Variants in GBF1 observed in about 807,000 individuals in gnomAD.
GBF1 encodes Golgi-specific brefeldin A-resistance guanine nucleotide exchange factor 1.
Under a neutral mutation model 210.5 loss-of-function variants are expected in GBF1, and 114 were observed. That is an observed-to-expected ratio of 0.54 (90% CI 0.47 to 0.63). The LOEUF (loss-of-function observed/expected upper bound fraction) is 0.63. GBF1 is among the 30% of genes least tolerant of loss of function. GBF1 has a pLI of 0.00. For synonymous variants in GBF1, 850 were observed against 889.2 expected (o/e 0.96, Z 0.78); for missense variants, 1,851 against 2,357.7 (o/e 0.79, Z 4.45).
chr10:102,327,462 C>G (rs1232481698), intron 3 of GBF1, among the ~76,000 whole-genome samples: 1 of 152,184 alleles, frequency 6.6e-6, no homozygotes, highest in African/African-American at 2.4e-5. Flanking sequence ...GGAATGTATA[C>G]AGCAGTAATA....
chr10:102,241,102 C>A (rs887328021), upstream of GBF1, among the ~76,000 whole-genome samples: 1 of 152,178 alleles, frequency 6.6e-6, no homozygotes, highest in South Asian at 2.1e-4. The surrounding 1 kb of genome is among the most constrained non-coding windows in gnomAD (Gnocchi z 6.7). Flanking sequence ...TTCAAGTCTC[C>A]GGCTTCGTTC....
At chr10:102,266,132 G>A (rs1359543797) in intron 3 of GBF1, among the ~76,000 whole-genome samples, 2 of 152,040 alleles carry the variant, frequency 1.3e-5, no homozygotes, top group Non-Finnish European at 2.9e-5. Context: ...CCAGCTACTC[G>A]GGAGGCTGAG....
intron 3 of GBF1, among the ~76,000 whole-genome samples, chr10:102,328,657 G>T (rs1247042831): frequency 6.6e-6 from 1 of 152,120 alleles, no homozygotes; most frequent in Non-Finnish European, 1.5e-5. Flanking sequence ...ATAGGGAAAG[G>T]TTACTTATCA....
the GBF1 span, among the ~76,000 whole-genome samples, chr10:102,233,582 G>A: frequency 2.6e-5 from 4 of 152,174 alleles, no homozygotes; most frequent in African/African-American, 9.7e-5. Context: ...GGAATTACAG[G>A]TGTGAGCCAC....
chr10:102,258,746 C>T (rs1475863902), intron 1 of GBF1, among the ~76,000 whole-genome samples, 183 bp from the exon 2 acceptor site: 1 of 148,120 alleles, frequency 6.8e-6, no homozygotes, highest in Non-Finnish European at 1.5e-5. Context: ...TGCACTCCAG[C>T]CTGGGCAACA....
Position 102,366,348 on chromosome 10 carries a change from C to T in GBF1, c.2310-35C>T, listed in dbSNP as rs2059910625. On this transcript the variant is annotated intron_variant, in intron 18 of 39. Coordinates refer to ENST00000369983, the MANE Select transcript of GBF1 (RefSeq NM_001377137.1). The surrounding 1 kb of genome is among the most constrained non-coding windows in gnomAD (Gnocchi z 4.0). ...AAGAGCCTGACATGTGCAGCTTACACATTTTCAGCCTCTTCTTCCTTTCTT... is the reference window on the plus strand; with the variant it reads ...AAGAGCCTGACATGTGCAGCTTACATATTTTCAGCCTCTTCTTCCTTTCTT... 1 of 1,612,500 alleles carries T rather than the reference C, an allele frequency of 6.2e-7. No homozygotes were observed. The highest frequency in any genetic ancestry group is 1.3e-5 in the African/African-American group (1 of 74,896).
At chr10:102,266,914 T>C (rs1238826390) in intron 3 of GBF1, among the ~76,000 whole-genome samples, 1 of 152,214 alleles carries the variant, frequency 6.6e-6, no homozygotes, top group East Asian at 1.9e-4. Context: ...CAAACACACC[T>C]GTAGGGTACT....
intron 3 of GBF1, among the ~76,000 whole-genome samples, chr10:102,338,237 CT>C (rs398046214): frequency 1.7e-3 from 196 of 114,154 alleles, no homozygotes; most frequent in African/African-American, 3.8e-3. Flanking sequence ...CAACCTTCTT[CT>C]TTTTTTTTTT....
At chr10:102,315,647 C>A (rs2078864130) in intron 3 of GBF1, among the ~76,000 whole-genome samples, 1 of 152,124 alleles carries the variant, frequency 6.6e-6, no homozygotes. Flanking sequence ...AGGGTTTGTG[C>A]TCCTATGAAA....
chr10:102,352,076 A>C, intron 6 of GBF1, 125 bp downstream of exon 6: 1 of 679,966 alleles, frequency 1.5e-6, no homozygotes, highest in Non-Finnish European at 2.7e-6. Context: ...TCATGCGATC[A>C]TAGGGGTCTA....
chr10:102,363,150 G>C lies in GBF1; in HGVS notation c.1877-106G>C. ...TTGTCCTGCTCAGGGCTGGCGCCCT[G>C]TGCAGGAACCATGCAGGTCTTCTGG... On this transcript the variant is annotated intron_variant, in intron 15 of 39. Coordinates refer to ENST00000369983, the MANE Select transcript of GBF1 (RefSeq NM_001377137.1). The surrounding 1 kb of genome is among the most constrained non-coding windows in gnomAD (Gnocchi z 4.2). 9.3e-7 allele frequency: 1 copy of C among 1,074,204 alleles called. No individual in the cohort carries two copies. The allele number at this position is 1,074,204 out of a possible 1,614,324, so 66.5% of individuals were successfully genotyped here.
chr10:102,278,275 C>CTT (rs75537807), intron 3 of GBF1, among the ~76,000 whole-genome samples: 22 of 142,564 alleles, frequency 1.5e-4, no homozygotes, highest in Admixed American at 2.8e-4. Flanking sequence ...AACAAAAACA[C>CTT]TTTTTTTTTT....
Position 102,376,374 on chromosome 10 carries a change from C to T in GBF1, c.3989C>T (p.Pro1330Leu), listed in dbSNP as rs777607714. ...GAGGTCTACACTGACCATGGCAGGCCGGGCAAGATACACCGATCAGCCACA... is the reference window on the plus strand; with the variant it reads ...GAGGTCTACACTGACCATGGCAGGCTGGGCAAGATACACCGATCAGCCACA... ...DSEVYTDHGRPGKIHRSATDA... is the reference protein window; with the variant it reads ...DSEVYTDHGRLGKIHRSATDA... The change falls in exon 31 of 40, where the codon CCG (proline) becomes CTG (leucine). Residue 1330 changes from proline to leucine, a missense_variant. Coordinates refer to ENST00000369983, the MANE Select transcript of GBF1 (RefSeq NM_001377137.1). 24 of 1,613,980 alleles carry T rather than the reference C, an allele frequency of 1.5e-5. 1 individual carries two copies. The highest frequency in any genetic ancestry group is 1.2e-4 in the Admixed American group (7 of 59,998).
In GBF1 at chr10:102,262,352, T is replaced by A. The variant is rs1057144786; in HGVS notation, c.163+2236T>A. On this transcript the variant is annotated intron_variant, in intron 3 of 39. Transcript: ENST00000369983. ...GGCTACTTGCACAGATTTTTTTTTT[T>A]AATTTTACAGATAAAGCTTACATAT... Among the ~76,000 whole-genome samples the A allele has an allele frequency of 6.6e-5, 10 of 152,282 alleles. No homozygotes were observed. The South Asian group carries it at 2.1e-3, about 32-fold the overall frequency.
At position 102,352,514 on chromosome 10, in the gene GBF1, A is replaced by G. The variant is rs1271444186; in HGVS notation, c.580A>G (p.Thr194Ala). 3.1e-6 allele frequency: 5 copies of G among 1,608,056 alleles called. No individual in the cohort carries two copies. Among genetic ancestry groups the G allele is most frequent in the Non-Finnish European group, 4.3e-6 (5 of 1,174,514 alleles). The change falls in exon 7 of 40, where the codon ACA (threonine) becomes GCA (alanine). Residue 194 changes from threonine (T) to alanine (A), a missense_variant. Around this residue, in one of 3 missense-constraint regions of GBF1, gnomAD observed 804 missense variants for 958.6 expected, o/e 0.84. Coordinates refer to ENST00000369983, the MANE Select transcript of GBF1 (RefSeq NM_001377137.1). ...CGTAGACATGGTGCAGCTGCTCTTC[A>G]CAAGGTAAACCTGCTGCTGTTTGCT... ...TLVDMVQLLF[T>A]RLPQFKEEPK...
rs778310304 is a variant in GBF1, at chr10:102,361,854, A to G, written c.1628A>G (p.Tyr543Cys). The change falls in exon 14 of 40, where the codon TAT becomes TGT. Residue 543 changes from tyrosine (Y) to cysteine (C), a missense_variant. Tyr to Cys is a radical substitution (Grantham distance 194). Around this residue, in one of 3 missense-constraint regions of GBF1, gnomAD observed 804 missense variants for 958.6 expected, o/e 0.84. Transcript: ENST00000369983. Reference protein sequence around the residue: ...PSFVTELYINYDCDYYCSNLF... With the variant: ...PSFVTELYINCDCDYYCSNLF... Reference sequence around the variant, plus strand: ...TTTGTCACAGAGCTCTACATCAACTATGATTGTGACTACTACTGTTCCAAC... The same window carrying G: ...TTTGTCACAGAGCTCTACATCAACTGTGATTGTGACTACTACTGTTCCAAC... 7 of 1,613,898 alleles carry G rather than the reference A, an allele frequency of 4.3e-6. No individual in the cohort carries two copies. The South Asian group carries it at 5.5e-5, about 13-fold the overall frequency.
At chr10:102,370,266 A>C in intron 27 of GBF1, 21 bp downstream of exon 27, 2 of 1,559,118 alleles carry the variant, frequency 1.3e-6, no homozygotes, top group Non-Finnish European at 1.8e-6. Flanking sequence ...AAGAAAGGAA[A>C]CATGGAACAA....
chr10:102,279,141 GA>G (rs1441074525), intron 3 of GBF1, among the ~76,000 whole-genome samples: 1 of 152,094 alleles, frequency 6.6e-6, no homozygotes, highest in Admixed American at 6.5e-5. Flanking sequence ...CTTCCTATAA[GA>G]AACACAATTG....
intron 3 of GBF1, among the ~76,000 whole-genome samples, chr10:102,266,560 A>G (rs1221905202): frequency 1.3e-5 from 2 of 152,214 alleles, no homozygotes; most frequent in African/African-American, 2.4e-5. Flanking sequence ...ACTTTATGCT[A>G]TATGGTCCCT....
Sources: allele counts gnomAD v4.1 joint callset (sites outside exome capture counted in the v4.1 genomes callset), GRCh38; gene constraint gnomAD v4.1.1; regional missense constraint gnomAD v4.1.1; non-coding constraint Gnocchi (gnomAD v3.1); transcripts MANE v1.5; gene names NCBI Gene and HGNC (gene_info 2026-07-23, HGNC 2026-07-21).